The following MACROD2 variants were observed in gnomAD, a reference collection of about 807,000 sequenced individuals.
MACROD2 encodes mono-ADP ribosylhydrolase 2, also known as ADP-ribose glycohydrolase MACROD2.
A neutral mutation model predicts 70.4 loss-of-function variants in MACROD2; 36 were observed. That is an observed-to-expected ratio of 0.51 (90% CI 0.39 to 0.68). The LOEUF (loss-of-function observed/expected upper bound fraction) is 0.68, where lower values mean the gene tolerates loss of function less well. Among genes scored for constraint, MACROD2 ranks in the 30% least tolerant of loss-of-function variants. The pLI is 0.00. For synonymous variants in MACROD2, 172 were observed against 178.8 expected (o/e 0.96, Z 0.30); for missense variants, 496 against 538.4 (o/e 0.92, Z 0.78).
intron 7 of MACROD2, among the ~76,000 whole-genome samples, chr20:15,451,347 G>A (rs1014697706): frequency 7.2e-6 from 1 of 139,622 alleles, no homozygotes; most frequent in Admixed American, 8.1e-5. Flanking sequence ...AAACTTCAGA[G>A]CAACTTTCCT....
At position 14,942,515 on chromosome 20, in the gene MACROD2, C is replaced by G. The variant is rs996169625; in HGVS notation, c.418+257556C>G. Among the ~76,000 whole-genome samples, 8 of 152,130 alleles carry G rather than the reference C, an allele frequency of 5.3e-5. No homozygotes were observed. The East Asian group carries it at 1.6e-3, about 29-fold the overall frequency. ...GTGTATCACCTTAATAAAACCTAAA[C>G]CAAACAGAATTTGCGGTCAGCAAGA... is the stretch of plus-strand genomic sequence containing the variant. On this transcript the variant is annotated intron_variant, in intron 5 of 17. Transcript: ENST00000684519.
At chr20:15,219,218 A>G (rs1332265762) in intron 5 of MACROD2, among the ~76,000 whole-genome samples, 1 of 152,228 alleles carries the variant, frequency 6.6e-6, no homozygotes, top group Non-Finnish European at 1.5e-5. Context: ...AATATTATTT[A>G]TTAGATCTGC....
chr20:14,179,930 AGATAT>A (rs1198077214), intron 3 of MACROD2, among the ~76,000 whole-genome samples: 2 of 152,204 alleles, frequency 1.3e-5, no homozygotes, highest in Non-Finnish European at 2.9e-5. Context: ...AATATAAATA[AGATAT>A]AATTTTCCAT....
chr20:14,441,871 C>T (rs182186771), intron 3 of MACROD2, among the ~76,000 whole-genome samples: 5 of 151,570 alleles, frequency 3.3e-5, no homozygotes, highest in Non-Finnish European at 5.9e-5. Context: ...TAGTGATGTA[C>T]GCGTTTACGA....
chr20:14,010,048 G>T, intron 2 of MACROD2, among the ~76,000 whole-genome samples: 1 of 152,068 alleles, frequency 6.6e-6, no homozygotes, highest in East Asian at 1.9e-4. Context: ...GTGATGGGTT[G>T]ATCTGTGTAG....
intron 2 of MACROD2, among the ~76,000 whole-genome samples, chr20:14,016,130 C>T (rs1182239943): frequency 6.6e-6 from 1 of 152,158 alleles, no homozygotes; most frequent in African/African-American, 2.4e-5. Context: ...CCAGTTTCTC[C>T]ATGTTCTTGG....
chr20:15,114,512 C>G (rs1030115344), intron 5 of MACROD2, among the ~76,000 whole-genome samples: 2 of 152,104 alleles, frequency 1.3e-5, no homozygotes, highest in Admixed American at 6.5e-5. Flanking sequence ...TCAGTCTTAA[C>G]AACCACAAAG....
intron 8 of MACROD2, among the ~76,000 whole-genome samples, chr20:15,726,273 A>G (rs934903811): frequency 1.3e-5 from 2 of 152,124 alleles, no homozygotes; most frequent in African/African-American, 4.8e-5. Flanking sequence ...GTTCCTTTCT[A>G]TGGCTGCATA....
At chr20:14,462,841 T>G (rs1487682397) in intron 3 of MACROD2, among the ~76,000 whole-genome samples, 3 of 152,072 alleles carry the variant, frequency 2.0e-5, no homozygotes, top group Admixed American at 6.5e-5. Flanking sequence ...GATCAGATAG[T>G]TGTAGATATG....
intron 5 of MACROD2, among the ~76,000 whole-genome samples, chr20:14,981,852 G>T (rs2074804134): frequency 6.6e-6 from 1 of 151,596 alleles, no homozygotes. Flanking sequence ...GGTACCAGTA[G>T]AGTAGGGTGT....
intron 3 of MACROD2, among the ~76,000 whole-genome samples, chr20:14,423,801 C>A (rs144369919): frequency 0.017 from 1,339 of 79,306 alleles, 35 homozygotes; most frequent in African/African-American, 0.06. Flanking sequence ...TCGCTCTTTT[C>A]GCCCAGGCTG....
At position 15,588,479 on chromosome 20, in the gene MACROD2, A is replaced by T. The variant is rs926080188; in HGVS notation, c.645+88632A>T. On this transcript the variant is annotated intron_variant, in intron 8 of 17. Transcript: ENST00000684519. ...AATTGGCTTGAATTTCTCCTCAAAA[A>T]AAATGGGGTTTTCTTTTCTACCATA... is the stretch of plus-strand genomic sequence containing the variant. Among the ~76,000 whole-genome samples, 161 of 152,288 alleles carry T rather than the reference A, an allele frequency of 1.1e-3. 1 individual carries two copies. The highest frequency in any genetic ancestry group is 3.7e-3 in the African/African-American group (154 of 41,554).
At chr20:14,338,059 T>C (rs2082969771) in intron 3 of MACROD2, among the ~76,000 whole-genome samples, 1 of 152,216 alleles carries the variant, frequency 6.6e-6, no homozygotes, top group Non-Finnish European at 1.5e-5. Context: ...ATGCCAGTAA[T>C]CCCAACTGTG....
Position 14,684,830 on chromosome 20 carries a change from C to G in MACROD2, c.302-13C>G, listed in dbSNP as rs1476463142. The G allele has an allele frequency of 2.5e-6, 4 of 1,606,670 alleles. No individual in the cohort carries two copies. Among genetic ancestry groups the G allele is most frequent in the Admixed American group, 3.4e-5 (2 of 59,636 alleles). On this transcript the variant is annotated splice_polypyrimidine_tract_variant and intron_variant, in intron 4 of 17. Coordinates refer to ENST00000684519, the MANE Select transcript of MACROD2 (RefSeq NM_001351661.2). ...ATGCCAAATATAAGCTAACTTTCTT[C>G]TTTCTCCCTTAGTGGATGGCTGTAT...
chr20:15,290,825 C>T (rs2146106585), intron 6 of MACROD2, among the ~76,000 whole-genome samples: 1 of 152,340 alleles, frequency 6.6e-6, no homozygotes, highest in East Asian at 1.9e-4. Context: ...ATGCACCCAT[C>T]CAGGCAGCCA....
At chr20:15,500,086 A>T (rs898165421) in intron 8 of MACROD2, among the ~76,000 whole-genome samples, 5 of 152,174 alleles carry the variant, frequency 3.3e-5, no homozygotes, top group Non-Finnish European at 7.3e-5. Context: ...CCATAATCTA[A>T]TTTTTTTACA....
At chr20:14,014,005 A>G (rs2260758) in intron 2 of MACROD2, among the ~76,000 whole-genome samples, 4,822 of 152,304 alleles carry the variant, frequency 0.032, 253 homozygotes, top group African/African-American at 0.11. Context: ...ATATATAAAC[A>G]TGACTTTGTG....
At position 14,653,518 on chromosome 20, in the gene MACROD2, G is replaced by A. The variant is rs1212538905; in HGVS notation, c.302-31325G>A. 5.0e-5 allele frequency among the ~76,000 whole-genome samples: 7 copies of A among 140,048 alleles called. No individual in the cohort carries two copies. In the South Asian group the frequency reaches 7.2e-4, roughly 14 times the overall value. The allele number at this position is 140,048 out of a possible 152,430, so 91.9% of individuals were successfully genotyped here. On this transcript the variant is annotated intron_variant, in intron 4 of 17. Coordinates refer to ENST00000684519, the MANE Select transcript of MACROD2 (RefSeq NM_001351661.2). ...CAGGCGTGAGCCACCAAGCCCGGCT[G>A]CAATTTTTTTTTTTTTTTTAAGAGA...
At chr20:14,555,106 AAG>A (rs138554993) in intron 4 of MACROD2, among the ~76,000 whole-genome samples, 3,684 of 152,152 alleles carry the variant, frequency 0.024, 107 homozygotes, top group Middle Eastern at 0.065. Flanking sequence ...AAAAAACTAC[AAG>A]AGTGTAATTG....
Sources: allele counts gnomAD v4.1 joint callset (sites outside exome capture counted in the v4.1 genomes callset), GRCh38; gene constraint gnomAD v4.1.1; transcripts MANE v1.5; gene names NCBI Gene and HGNC (gene_info 2026-07-23, HGNC 2026-07-21).